PTPRM: variants seen among roughly 807,000 people sequenced by gnomAD.
PTPRM encodes protein tyrosine phosphatase receptor type M, also known as receptor-type tyrosine-protein phosphatase mu.
Under a neutral mutation model 186.7 loss-of-function variants are expected in PTPRM, and 47 were observed. The observed-to-expected ratio is 0.25, with a 90% CI of 0.20 to 0.32. The LOEUF is 0.32. Ranked by LOEUF, PTPRM falls within the 10% of genes least tolerant of loss-of-function variation. PTPRM has a pLI of 1.00. For synonymous variants in PTPRM, 668 were observed against 674.9 expected, an observed-to-expected ratio of 0.99 and a Z score of 0.16; for missense variants, 1,494 against 1,865.0, an observed-to-expected ratio of 0.80 and a Z score of 3.66.
rs2036466313 is a variant in PTPRM at position 7,567,932 on chromosome 18, C to T, written c.73+41C>T. Reference sequence around the variant, plus strand: ...TCTGCCGCCCCCGAGGCGCGCGGGCCGGCGCGGGACGCCCGGGACGCCGAC... The same window carrying T: ...TCTGCCGCCCCCGAGGCGCGCGGGCTGGCGCGGGACGCCCGGGACGCCGAC... On this transcript the variant is annotated intron_variant, in intron 1 of 32. Transcript: ENST00000580170. This position sits in a 1 kb window ranked among gnomAD's most constrained non-coding sequence, Gnocchi z 4.3. 3 of 1,516,362 alleles carry T rather than the reference C, an allele frequency of 2.0e-6. No homozygotes were observed. The highest frequency in any genetic ancestry group is 2.6e-6 in the Non-Finnish European group (3 of 1,143,116). 93.9% of individuals were successfully genotyped at this position (1,516,362 alleles called of 1,614,324 possible). A position where few individuals can be genotyped will look rare whatever the true frequency, so the allele number is the denominator to read the frequency against.
chr18:7,635,448 T>G (rs1056552347), intron 1 of PTPRM, among the ~76,000 whole-genome samples: 1 of 152,172 alleles, frequency 6.6e-6, no homozygotes, highest in Non-Finnish European at 1.5e-5. Flanking sequence ...ACCCAATAAA[T>G]ATTAGCTTCT....
intron 7 of PTPRM, among the ~76,000 whole-genome samples, chr18:8,063,401 C>T (rs917829471): frequency 1.3e-5 from 2 of 152,064 alleles, no homozygotes; most frequent in Non-Finnish European, 2.9e-5. Flanking sequence ...GCAGAAATCA[C>T]CCGTCTTCTG....
intron 23 of PTPRM, among the ~76,000 whole-genome samples, chr18:8,359,779 T>TGGACGCAATATGG (rs940185065): frequency 6.6e-6 from 1 of 152,236 alleles, no homozygotes; most frequent in African/African-American, 2.4e-5. Flanking sequence ...GCACCATCAT[T>TGGACGCAATATGG]GGACGCAATA....
chr18:8,138,728 G>C (rs551028499), intron 13 of PTPRM, among the ~76,000 whole-genome samples: 1 of 152,026 alleles, frequency 6.6e-6, no homozygotes, highest in Non-Finnish European at 1.5e-5. Context: ...CTCACCTCCC[G>C]CCTCTGCAAG....
Position 8,240,546 on chromosome 18 carries a change from G to GAAGGAAGGAAGA in PTPRM, c.2301-3506_2301-3505insGGAAGAAAGGAA, listed in dbSNP as rs1555813330. On this transcript the variant is annotated intron_variant, in intron 14 of 32. Coordinates refer to ENST00000580170, the MANE Select transcript of PTPRM (RefSeq NM_001105244.2). ...GGAAGGAAGGAAGGAAGGAAGGAAG[G>GAAGGAAGGAAGA]AAGGAAAGAAGGAAAGAAAGAAAGA... Among the ~76,000 whole-genome samples, 4 of 116,304 alleles carry GAAGGAAGGAAGA rather than the reference G, an allele frequency of 3.4e-5. No individual in the cohort carries two copies. The East Asian group carries it at 1.1e-3, about 31-fold the overall frequency. The allele number at this position is 116,304 out of a possible 152,430, so 76.3% of individuals were successfully genotyped here.
intron 22 of PTPRM, among the ~76,000 whole-genome samples, chr18:8,329,047 T>TA (rs1403129827): frequency 1.3e-5 from 2 of 152,234 alleles, no homozygotes; most frequent in Non-Finnish European, 1.5e-5. Flanking sequence ...GGCCCTCTAA[T>TA]AAGAGAACCA....
At chr18:7,810,379 C>G (rs111702360) in intron 2 of PTPRM, among the ~76,000 whole-genome samples, 117 of 152,322 alleles carry the variant, frequency 7.7e-4, no homozygotes, top group African/African-American at 2.6e-3. Flanking sequence ...TTATGTTGCT[C>G]ATTATGAATA....
intron 2 of PTPRM, among the ~76,000 whole-genome samples, chr18:7,854,055 C>T (rs977006173): frequency 6.6e-6 from 1 of 152,088 alleles, no homozygotes; most frequent in African/African-American, 2.4e-5. Flanking sequence ...TCAGGATTTC[C>T]CCCTGAAGTT....
chr18:8,064,866 A>C (rs2088936274), intron 7 of PTPRM, among the ~76,000 whole-genome samples: 1 of 152,194 alleles, frequency 6.6e-6, no homozygotes, highest in South Asian at 2.1e-4. Context: ...CTCTGATTTC[A>C]CTAAATAGTA....
At chr18:7,739,832 A>G (rs1464243405) in intron 1 of PTPRM, among the ~76,000 whole-genome samples, 2 of 152,176 alleles carry the variant, frequency 1.3e-5, no homozygotes, top group African/African-American at 2.4e-5. Flanking sequence ...CTACAGCTAT[A>G]GGTAATGTCT....
chr18:7,761,943 G>A (rs1254722080), intron 1 of PTPRM, among the ~76,000 whole-genome samples: 10 of 152,112 alleles, frequency 6.6e-5, no homozygotes, highest in African/African-American at 1.4e-4. Context: ...TTTCTTCAGC[G>A]CTCCTTTCTA....
chr18:8,383,502 G>A (rs1226160067), intron 29 of PTPRM, among the ~76,000 whole-genome samples: 1 of 151,934 alleles, frequency 6.6e-6, no homozygotes, highest in African/African-American at 2.4e-5. Context: ...TTTGTGGGGT[G>A]CTGGCTAATA....
chr18:7,889,675 G>A (rs933844387), intron 3 of PTPRM, among the ~76,000 whole-genome samples: 4 of 152,024 alleles, frequency 2.6e-5, no homozygotes, highest in African/African-American at 9.7e-5. Flanking sequence ...GGCCATATGT[G>A]ACGCAGAAAG....
chr18:8,247,918 A>C lies in PTPRM; in HGVS notation c.2526A>C (p.Pro842=). Residue 842 remains proline (P), a splice_region_variant and synonymous_variant, in exon 16 of 33, where the codon CCA becomes CCC. Transcript: ENST00000580170. The stretch of plus-strand genomic sequence containing the variant: ...CATCGGTGCCTAATTCCTATTACCC[A>C]GGTAACAGTTTTTTCCATTGTCTCC... The part of the protein sequence containing the change: ...LSTSVPNSYY[P]DPFVPTAILV... The C allele has an allele frequency of 4.4e-6, 7 of 1,583,192 alleles. No homozygotes were observed. The highest frequency in any genetic ancestry group is 6.1e-6 in the Non-Finnish European group (7 of 1,151,808).
chr18:8,363,278 T>G (rs1347670040), intron 23 of PTPRM, among the ~76,000 whole-genome samples: 1 of 152,186 alleles, frequency 6.6e-6, no homozygotes, highest in African/African-American at 2.4e-5. Context: ...TATAATCAGA[T>G]AGCGTTAGGA....
At chr18:8,173,398 T>G (rs773890237) in intron 14 of PTPRM, among the ~76,000 whole-genome samples, 2 of 152,260 alleles carry the variant, frequency 1.3e-5, no homozygotes, top group Non-Finnish European at 2.9e-5. Context: ...TCTATTTTGC[T>G]GTGTTAGAAT....
intron 11 of PTPRM, among the ~76,000 whole-genome samples, chr18:8,100,133 T>C (rs1428479106): frequency 6.7e-6 from 1 of 149,264 alleles, no homozygotes; most frequent in East Asian, 2.0e-4. Context: ...CACACACTTG[T>C]GTGTGTGTGT....
chr18:7,800,321 T>C (rs2043890715), intron 2 of PTPRM, among the ~76,000 whole-genome samples: 1 of 152,258 alleles, frequency 6.6e-6, no homozygotes, highest in Non-Finnish European at 1.5e-5. Flanking sequence ...TGACTGAAAA[T>C]ATGTTTATCA....
intron 1 of PTPRM, among the ~76,000 whole-genome samples, chr18:7,672,737 T>C (rs1464478596): frequency 1.3e-5 from 2 of 152,200 alleles, no homozygotes; most frequent in African/African-American, 4.8e-5. Context: ...GCAACTTAGT[T>C]GTGCACCACA....
Sources: gnomAD v4.1 joint callset for allele counts (sites outside exome capture counted in the v4.1 genomes callset) on GRCh38, gnomAD v4.1.1 for gene constraint, Gnocchi (gnomAD v3.1) non-coding constraint, MANE v1.5 for transcripts, NCBI Gene and HGNC (gene_info 2026-07-23, HGNC 2026-07-21) for gene names.